The following GALNTL6 variants were observed in gnomAD, a reference collection of about 807,000 sequenced individuals.
The protein encoded by GALNTL6 is polypeptide N-acetylgalactosaminyltransferase like 6.
Under a neutral mutation model 73.7 loss-of-function variants are expected in GALNTL6, and 46 were observed. The ratio of observed to expected loss-of-function variants is 0.62; its 90% confidence interval spans 0.49 to 0.80. GALNTL6 has a LOEUF of 0.80. Among genes scored for constraint, GALNTL6 ranks in the 30% least tolerant of loss-of-function variants. The probability of loss-of-function intolerance (pLI) is 0.00; values close to 1 mark genes in which losing one functional copy is unlikely to be tolerated. For synonymous variants in GALNTL6, 259 were observed against 263.7 expected (o/e 0.98, Z 0.17); for missense variants, 604 against 755.0 (o/e 0.80, Z 2.34).
At chr4:172,174,112 C>G (rs557715654) in intron 2 of GALNTL6, among the ~76,000 whole-genome samples, 1 of 152,210 alleles carries the variant, frequency 6.6e-6, no homozygotes, top group African/African-American at 2.4e-5. Context: ...AGAGTTGACA[C>G]TTGAGATCAG....
chr4:172,425,777 T>A (rs1203712174), intron 5 of GALNTL6, among the ~76,000 whole-genome samples: 1 of 152,080 alleles, frequency 6.6e-6, no homozygotes, highest in African/African-American at 2.4e-5. Context: ...AATTATGCTA[T>A]GTTTAATGTC....
chr4:172,350,625 G>A (rs1016471358), intron 5 of GALNTL6, among the ~76,000 whole-genome samples: 5 of 152,072 alleles, frequency 3.3e-5, no homozygotes, highest in African/African-American at 1.2e-4. Flanking sequence ...ATTCTTATGA[G>A]CAATCAAATT....
At chr4:172,843,378 A>G (rs536123341) in intron 7 of GALNTL6, among the ~76,000 whole-genome samples, 31 of 152,292 alleles carry the variant, frequency 2.0e-4, no homozygotes, top group Admixed American at 5.2e-4. Context: ...GGCTGCTGTA[A>G]GGCCTCTCAT....
chr4:172,350,800 G>T (rs1741914445), intron 5 of GALNTL6, among the ~76,000 whole-genome samples: 1 of 152,062 alleles, frequency 6.6e-6, no homozygotes, highest in African/African-American at 2.4e-5. Context: ...TCATCTGAGA[G>T]TATTGGTTGA....
intron 5 of GALNTL6, among the ~76,000 whole-genome samples, chr4:172,614,147 C>T (rs1347755890): frequency 1.5e-5 from 2 of 129,830 alleles, no homozygotes; most frequent in East Asian, 3.9e-4. Flanking sequence ...ATCTATCTGT[C>T]ATTCTGTCTA....
chr4:172,963,336 T>C (rs1415417904), intron 10 of GALNTL6, among the ~76,000 whole-genome samples: 1 of 152,184 alleles, frequency 6.6e-6, no homozygotes, highest in Non-Finnish European at 1.5e-5. Context: ...CACATCCACA[T>C]GCATACTTAA....
chr4:172,132,510 A>G (rs1289338281), intron 2 of GALNTL6, among the ~76,000 whole-genome samples: 3 of 152,074 alleles, frequency 2.0e-5, no homozygotes, highest in African/African-American at 7.2e-5. Context: ...TATTAATTTC[A>G]GGGACCTTAA....
chr4:172,769,250 C>T (rs1738619018), intron 5 of GALNTL6, among the ~76,000 whole-genome samples: 2 of 151,760 alleles, frequency 1.3e-5, no homozygotes, highest in Admixed American at 1.3e-4. Flanking sequence ...CTGGAACCAG[C>T]AATGTGCTGG....
chr4:172,560,223 G>A (rs1241942452), intron 5 of GALNTL6, among the ~76,000 whole-genome samples: 1 of 152,056 alleles, frequency 6.6e-6, no homozygotes, highest in Non-Finnish European at 1.5e-5. Flanking sequence ...CACGGCTGTA[G>A]CTCCAGCACT....
intron 2 of GALNTL6, among the ~76,000 whole-genome samples, chr4:172,177,790 T>TGTATATATGTACAC (rs1735073854): frequency 7.2e-6 from 1 of 139,384 alleles, no homozygotes; most frequent in African/African-American, 3.0e-5. Context: ...TACACATGTG[T>TGTATATATGTACAC]ATATATATAC....
intron 2 of GALNTL6, among the ~76,000 whole-genome samples, chr4:171,946,532 G>T (rs1431024475): frequency 6.6e-6 from 1 of 152,162 alleles, no homozygotes; most frequent in African/African-American, 2.4e-5. Context: ...GCTGCGTATT[G>T]CACAGTAGGC....
At chr4:172,045,227 G>A (rs1505483) in intron 2 of GALNTL6, among the ~76,000 whole-genome samples, 1 of 151,798 alleles carries the variant, frequency 6.6e-6, no homozygotes, top group Non-Finnish European at 1.5e-5. Flanking sequence ...AGCACTGTGC[G>A]CCTAAGAGAC....
intron 5 of GALNTL6, among the ~76,000 whole-genome samples, chr4:172,804,735 C>T (rs1376971226): frequency 6.6e-6 from 1 of 152,154 alleles, no homozygotes; most frequent in East Asian, 1.9e-4. Flanking sequence ...ACATAATAAG[C>T]ATAACTTATT....
At chr4:172,732,312 CTGTG>C (rs549215695) in intron 5 of GALNTL6, among the ~76,000 whole-genome samples, 40 of 152,220 alleles carry the variant, frequency 2.6e-4, no homozygotes, top group African/African-American at 9.4e-4. Context: ...TTTTCACAGT[CTGTG>C]TTGTGTAGTC....
intron 5 of GALNTL6, among the ~76,000 whole-genome samples, chr4:172,798,026 G>A (rs1740378975): frequency 6.6e-6 from 1 of 152,096 alleles, no homozygotes; most frequent in African/African-American, 2.4e-5. Context: ...ATGCAGCTTG[G>A]TGATTTATAC....
At chr4:171,904,902 T>C (rs1016606591) in intron 2 of GALNTL6, among the ~76,000 whole-genome samples, 8 of 152,044 alleles carry the variant, frequency 5.3e-5, no homozygotes, top group Admixed American at 2.6e-4. Context: ...CTAAGCTTCA[T>C]AAGTGAAGGA....
chr4:172,793,708 T>C (rs1740116768), intron 5 of GALNTL6, among the ~76,000 whole-genome samples: 1 of 152,224 alleles, frequency 6.6e-6, no homozygotes, highest in South Asian at 2.1e-4. Context: ...GTCATGCCAG[T>C]GACAGACTAT....
intron 8 of GALNTL6, among the ~76,000 whole-genome samples, chr4:172,903,022 C>A (rs1181961705): frequency 1.3e-5 from 2 of 152,168 alleles, no homozygotes; most frequent in Admixed American, 6.6e-5. Context: ...CATAATAATT[C>A]AAGACATAGC....
At chr4:172,451,484 T>C (rs904530325) in intron 5 of GALNTL6, among the ~76,000 whole-genome samples, 3 of 152,136 alleles carry the variant, frequency 2.0e-5, no homozygotes, top group Non-Finnish European at 4.4e-5. Flanking sequence ...TTACAAAATA[T>C]GGGCACTAGG....
Sources: gnomAD v4.1 joint callset for allele counts (sites outside exome capture counted in the v4.1 genomes callset) on GRCh38, gnomAD v4.1.1 for gene constraint, MANE v1.5 for transcripts, NCBI Gene and HGNC (gene_info 2026-07-23, HGNC 2026-07-21) for gene names.